The following IGSF11 variants were observed in gnomAD, a reference collection of about 807,000 sequenced individuals.
IGSF11 encodes CXADR like 1.
A neutral mutation model predicts 41.0 loss-of-function variants in IGSF11; 22 were observed. The observed-to-expected ratio is 0.54, with a 90% CI of 0.38 to 0.77. The LOEUF (loss-of-function observed/expected upper bound fraction) is 0.77, where lower values mean the gene tolerates loss of function less well. Ranked by LOEUF, IGSF11 falls within the 30% of genes least tolerant of loss-of-function variation. The pLI is 0.00. For missense variants in IGSF11, 444 were observed against 530.8 expected (o/e 0.84, Z 1.61); for synonymous variants, 219 against 201.3 (o/e 1.09, Z -0.74).
intron 1 of IGSF11, among the ~76,000 whole-genome samples, chr3:119,045,614 A>T (rs13100321): frequency 2.0e-5 from 3 of 151,216 alleles, no homozygotes; most frequent in South Asian, 2.1e-4. Flanking sequence ...CAAAGCAGCC[A>T]AGAAGCTCCA....
At chr3:118,914,556 A>G (rs370672979) in intron 4 of IGSF11, among the ~76,000 whole-genome samples, 5 of 151,470 alleles carry the variant, frequency 3.3e-5, no homozygotes, top group African/African-American at 7.3e-5. Flanking sequence ...ACCGGCTTAA[A>G]AAACGGCGCA....
At chr3:119,083,290 A>G (rs75418715) in intron 1 of IGSF11, among the ~76,000 whole-genome samples, 4,175 of 151,452 alleles carry the variant, frequency 0.028, 178 homozygotes, top group African/African-American at 0.096. Flanking sequence ...CAGCTATTTT[A>G]ATGCATTTTT....
chr3:119,105,908 T>A (rs1418887904), upstream of IGSF11, among the ~76,000 whole-genome samples: 2 of 152,210 alleles, frequency 1.3e-5, no homozygotes, highest in African/African-American at 4.8e-5. Flanking sequence ...TTTTCTTTTT[T>A]ATACTCCCCT....
At chr3:118,994,222 G>A (rs971156743) in intron 1 of IGSF11, among the ~76,000 whole-genome samples, 2 of 152,140 alleles carry the variant, frequency 1.3e-5, no homozygotes. Flanking sequence ...AGAACTCAAT[G>A]TATACATCCT....
At chr3:119,024,519 A>G (rs1054389294) in intron 1 of IGSF11, among the ~76,000 whole-genome samples, 1 of 152,170 alleles carries the variant, frequency 6.6e-6, no homozygotes, top group Non-Finnish European at 1.5e-5. Flanking sequence ...TTTGTGCAAA[A>G]ACAACCTCTC....
chr3:118,940,363 C>A (rs1480758529), intron 1 of IGSF11, among the ~76,000 whole-genome samples: 6 of 152,026 alleles, frequency 3.9e-5, no homozygotes, highest in Non-Finnish European at 8.8e-5. Flanking sequence ...ATACAAATAG[C>A]AACGATTTTT....
chr3:118,928,524 C>T lies in IGSF11; in HGVS notation c.409G>A (p.Gly137Ser), dbSNP rs569872982. 3.7e-6 allele frequency: 6 copies of T among 1,612,548 alleles called. No homozygotes were observed. Among genetic ancestry groups the T allele is most frequent in the Middle Eastern group, 2.0e-4 (1 of 5,022 alleles). Residue 137 changes from glycine to serine, a missense_variant, in exon 3 of 7, where the codon GGT (glycine) becomes AGT (serine). Coordinates refer to ENST00000393775, the MANE Select transcript of IGSF11 (RefSeq NM_001015887.3). Reference protein sequence around the residue: ...DIGGRNIGVTGLTVLVPPSAP... With the variant: ...DIGGRNIGVTSLTVLVPPSAP... The stretch of plus-strand genomic sequence containing the variant: ...TGTCACTCACCTAACACTGTGAGAC[C>T]GGTGACCCCAATGTTCCTGCCCCCT...
At chr3:119,135,687 A>G (rs919226167) in intron 1 of IGSF11, among the ~76,000 whole-genome samples, 1 of 152,192 alleles carries the variant, frequency 6.6e-6, no homozygotes, top group African/African-American at 2.4e-5. Flanking sequence ...TAGAAATACC[A>G]TTTGACCCAG....
chr3:119,006,024 G>A (rs1937467346), intron 1 of IGSF11, among the ~76,000 whole-genome samples: 1 of 115,768 alleles, frequency 8.6e-6, no homozygotes, highest in Non-Finnish European at 1.7e-5. Context: ...TTGCTAGATT[G>A]GGGAAGTTCT....
chr3:119,130,426 G>T (rs151336615), intron 1 of IGSF11, among the ~76,000 whole-genome samples: 1,866 of 152,332 alleles, frequency 0.012, 19 homozygotes, highest in Middle Eastern at 0.058. Flanking sequence ...GGCTCGGCAG[G>T]TCTCATGCCC....
chr3:119,076,726 C>G (rs2076505893), intron 1 of IGSF11, among the ~76,000 whole-genome samples: 1 of 152,106 alleles, frequency 6.6e-6, no homozygotes. Flanking sequence ...CATCTCACAC[C>G]AGTTAGAATG....
intron 1 of IGSF11, among the ~76,000 whole-genome samples, chr3:119,076,556 A>C (rs113841440): frequency 0.023 from 3,453 of 152,268 alleles, 69 homozygotes; most frequent in Admixed American, 0.053. Flanking sequence ...AACTCAAACA[A>C]ATTTACAAGA....
chr3:119,091,857 A>AT (rs2076765528), intron 1 of IGSF11, among the ~76,000 whole-genome samples: 3 of 135,560 alleles, frequency 2.2e-5, no homozygotes, highest in African/African-American at 7.8e-5. Context: ...ATAAATATTG[A>AT]ATTTTTTTTT....
intron 1 of IGSF11, among the ~76,000 whole-genome samples, chr3:119,098,078 G>A (rs955691678): frequency 4.1e-5 from 6 of 148,062 alleles, no homozygotes; most frequent in Non-Finnish European, 8.9e-5. Context: ...GGGATTAAAG[G>A]TGTGAGCCAC....
chr3:118,980,100 T>C (rs1302302668), intron 1 of IGSF11, among the ~76,000 whole-genome samples: 2 of 152,026 alleles, frequency 1.3e-5, no homozygotes, highest in Non-Finnish European at 1.5e-5. Context: ...GAAAACAATA[T>C]GGACATTCAA....
chr3:118,940,707 T>C (rs938074467), intron 1 of IGSF11, among the ~76,000 whole-genome samples: 4 of 151,982 alleles, frequency 2.6e-5, no homozygotes, highest in African/African-American at 9.7e-5. Flanking sequence ...AATATTAGAA[T>C]AGAATAATTT....
intron 1 of IGSF11, among the ~76,000 whole-genome samples, chr3:118,973,263 T>A (rs1933664102): frequency 6.6e-6 from 1 of 152,188 alleles, no homozygotes; most frequent in Non-Finnish European, 1.5e-5. Flanking sequence ...CAGAACAGAA[T>A]GGAGCATGGA....
chr3:118,923,489 A>T (rs559650661), intron 4 of IGSF11, among the ~76,000 whole-genome samples: 1 of 152,296 alleles, frequency 6.6e-6, no homozygotes, highest in South Asian at 2.1e-4. Flanking sequence ...TATAGTTTAT[A>T]TTGTTTCATC....
intron 1 of IGSF11, among the ~76,000 whole-genome samples, chr3:118,944,328 A>G (rs1943946325): frequency 6.6e-6 from 1 of 152,178 alleles, no homozygotes; most frequent in Non-Finnish European, 1.5e-5. Context: ...GGCTCTGCTT[A>G]ATCTGACCTT....
Sources: allele counts gnomAD v4.1 joint callset (sites outside exome capture counted in the v4.1 genomes callset), GRCh38; gene constraint gnomAD v4.1.1; transcripts MANE v1.5; gene names NCBI Gene and HGNC (gene_info 2026-07-23, HGNC 2026-07-21).